KLF12: variants seen among roughly 807,000 people sequenced by gnomAD.
KLF12 encodes the protein Krueppel-like factor 12.
In KLF12, 9 loss-of-function variants were observed where a neutral mutation model predicts 37.8. That is an observed-to-expected ratio of 0.24 (90% CI 0.14 to 0.42). The LOEUF (loss-of-function observed/expected upper bound fraction) is 0.42, where lower values mean the gene tolerates loss of function less well. Ranked by LOEUF, KLF12 falls within the 10% of genes least tolerant of loss-of-function variation. The pLI is 1.00. For synonymous variants in KLF12, 208 were observed against 202.1 expected (o/e 1.03, Z -0.25); for missense variants, 411 against 516.0 (o/e 0.80, Z 1.97).
Position 73,846,066 on chromosome 13 carries a change from G to A in KLF12, c.431C>T (p.Thr144Ile), listed in dbSNP as rs767338522. 1 of 1,614,062 alleles carries A rather than the reference G, an allele frequency of 6.2e-7. No homozygotes were observed. The change falls in exon 4 of 8, where the codon ACT (threonine) becomes ATT (isoleucine). Residue 144 changes from threonine to isoleucine, a missense_variant. By Grantham distance (89) the Thr-to-Ile change is moderately conservative. Transcript: ENST00000377669. Reference sequence around the variant, plus strand: ...TGCAGAGGCCACAAGGGGCCCTGGAGTTAATACTGTTGACGAAGATGACGC... The same window carrying A: ...TGCAGAGGCCACAAGGGGCCCTGGAATTAATACTGTTGACGAAGATGACGC...
rs143222911 is a variant in KLF12 at position 73,715,967 on chromosome 13, C to T, written c.870-442G>A. ...ACAAGAGGGTCTGCACTGCATGTGA[C>T]AACATAGAAACTCCTGTAAAATCAC... On this transcript the variant is annotated intron_variant, in intron 6 of 7. Coordinates refer to ENST00000377669, the MANE Select transcript of KLF12 (RefSeq NM_007249.5). Among the ~76,000 whole-genome samples the T allele has an allele frequency of 2.6e-3, 393 of 152,220 alleles. 1 individual carries two copies. Among genetic ancestry groups the T allele is most frequent in the African/African-American group, 8.8e-3 (367 of 41,548 alleles).
intron 1 of KLF12, among the ~76,000 whole-genome samples, chr13:74,070,884 G>A (rs1256704981): frequency 6.6e-6 from 1 of 152,148 alleles, no homozygotes; most frequent in East Asian, 1.9e-4. Flanking sequence ...AAGTTTGTGG[G>A]AACATGGATG....
chr13:74,171,879 A>G, the KLF12 span, among the ~76,000 whole-genome samples: 1 of 152,218 alleles, frequency 6.6e-6, no homozygotes, highest in Non-Finnish European at 1.5e-5. Flanking sequence ...TGTATAATAG[A>G]ACCTGAGGGA....
the KLF12 span, among the ~76,000 whole-genome samples, chr13:74,275,877 TCTTCTTTC>T: frequency 2.6e-3 from 194 of 74,594 alleles, no homozygotes; most frequent in African/African-American, 8.4e-3. Flanking sequence ...TATCTTTCTT[TCTTCTTTC>T]TTTCTTTCTT....
At chr13:74,202,410 C>T in the KLF12 span, among the ~76,000 whole-genome samples, 1 of 152,170 alleles carries the variant, frequency 6.6e-6, no homozygotes, top group South Asian at 2.1e-4. Flanking sequence ...AACAAACTCA[C>T]ACCCCCTCTG....
rs1873903212 is a variant in KLF12 at position 73,693,043 on chromosome 13, T to C, written c.*2447A>G. The C allele has an allele frequency of 6.6e-6, 1 of 152,176 alleles. No individual in the cohort carries two copies. Among genetic ancestry groups the C allele is most frequent in the South Asian group, 2.1e-4 (1 of 4,832 alleles). The allele number at this position is 152,176 out of a possible 1,614,324, so 9.4% of individuals were successfully genotyped here. A position where few individuals can be genotyped will look rare whatever the true frequency, so the allele number is the denominator to read the frequency against. ...TTCTAAAAACCAAGTCTACCTGTAA[T>C]ACTCTCAAGACATCTTTCAGCAGAG... On this transcript the variant is annotated 3_prime_UTR_variant, in exon 8 of 8. Transcript: ENST00000377669.
chr13:73,926,040 C>CT (rs1889358483), intron 3 of KLF12, among the ~76,000 whole-genome samples: 1 of 152,164 alleles, frequency 6.6e-6, no homozygotes, highest in Admixed American at 6.5e-5. Flanking sequence ...GGTAAAGATG[C>CT]TGTCGACATT....
chr13:73,780,386 C>A (rs917377465), intron 5 of KLF12, among the ~76,000 whole-genome samples: 1 of 152,060 alleles, frequency 6.6e-6, no homozygotes, highest in Non-Finnish European at 1.5e-5. Flanking sequence ...TATCCCTTGT[C>A]ACCCATCAAC....
chr13:74,188,417 G>A, the KLF12 span, among the ~76,000 whole-genome samples: 20 of 152,158 alleles, frequency 1.3e-4, no homozygotes, highest in East Asian at 2.3e-3. Flanking sequence ...AAATTCGATC[G>A]TCAAATTTGA....
At chr13:74,211,723 A>C in the KLF12 span, among the ~76,000 whole-genome samples, 1 of 151,988 alleles carries the variant, frequency 6.6e-6, no homozygotes, top group East Asian at 1.9e-4. Flanking sequence ...TAGTGATTGT[A>C]CTCCTTTTCC....
rs1380867379 is a variant in KLF12, at chr13:73,813,249, T to C, written c.709A>G (p.Lys237Glu). The change falls in exon 5 of 8, where the codon AAA (lysine) becomes GAA (glutamate). Residue 237 changes from lysine to glutamate, a missense_variant. This residue lies in a region of KLF12 where 351 missense variants were observed against 397.8 expected (regional missense o/e 0.88). Transcript: ENST00000377669. ...AGGTCATCATCATCACTGTCACTTT[T>C]ACTTTGTCTGGGAGATAGGCCTCGG... 10 of 1,613,974 alleles carry C rather than the reference T, an allele frequency of 6.2e-6. No homozygotes were observed. Among genetic ancestry groups the C allele is most frequent in the East Asian group, 2.2e-5 (1 of 44,888 alleles).
chr13:73,754,522 TGA>T (rs1361836774), intron 6 of KLF12, among the ~76,000 whole-genome samples: 2 of 152,176 alleles, frequency 1.3e-5, no homozygotes, highest in African/African-American at 4.8e-5. Context: ...GTGGTGCTTC[TGA>T]GAGTATATTT....
At chr13:74,280,381 A>G in the KLF12 span, among the ~76,000 whole-genome samples, 159 of 152,320 alleles carry the variant, frequency 1.0e-3, 2 homozygotes, top group Admixed American at 0.01. Context: ...CAGGTTAAAC[A>G]GTCTGTTCCT....
At chr13:74,230,810 T>A in the KLF12 span, among the ~76,000 whole-genome samples, 4 of 152,178 alleles carry the variant, frequency 2.6e-5, no homozygotes, top group Admixed American at 1.3e-4. Flanking sequence ...TATGCTTCCA[T>A]CTCCTGTTGA....
At chr13:74,245,671 T>A in the KLF12 span, among the ~76,000 whole-genome samples, 2 of 152,342 alleles carry the variant, frequency 1.3e-5, no homozygotes, top group East Asian at 3.9e-4. Flanking sequence ...TTATTGACCT[T>A]ATTTTATACA....
At chr13:73,981,224 G>A (rs1891680837) in intron 2 of KLF12, among the ~76,000 whole-genome samples, 1 of 152,018 alleles carries the variant, frequency 6.6e-6, no homozygotes, top group African/African-American at 2.4e-5. Flanking sequence ...CATTATCCAG[G>A]AGAGTTGAAA....
chr13:74,127,550 G>A (rs1298551623), intron 1 of KLF12, among the ~76,000 whole-genome samples: 1 of 152,216 alleles, frequency 6.6e-6, no homozygotes, highest in African/African-American at 2.4e-5. Context: ...TTGGAGTCAG[G>A]CAAGATACCT....
chr13:73,695,826 T>A (rs1325785938), intron 7 of KLF12, among the ~76,000 whole-genome samples, 155 bp from the exon 8 acceptor site: 1 of 152,176 alleles, frequency 6.6e-6, no homozygotes, highest in Non-Finnish European at 1.5e-5. Context: ...GCGGTCTGGG[T>A]CAGACAGGTG....
Position 73,764,947 on chromosome 13 carries a change from T to G in KLF12, c.860A>C (p.Lys287Thr), listed in dbSNP as rs184383555. 5.1e-6 allele frequency: 8 copies of G among 1,566,124 alleles called. No individual in the cohort carries two copies. In the East Asian group the frequency reaches 1.8e-4, roughly 35 times the overall value. Residue 287 changes from lysine (K) to threonine (T), a missense_variant, in exon 6 of 8, where the codon AAG (lysine) becomes ACG (threonine). Around this residue, in one of 2 missense-constraint regions of KLF12, gnomAD observed 351 missense variants for 397.8 expected, o/e 0.88. Transcript: ENST00000377669. ...TAGACTGTATACTCACCAAGGAAAC[T>G]TTTGATTATTCATTCGATTGCCCCG...
Sources: allele counts gnomAD v4.1 joint callset (sites outside exome capture counted in the v4.1 genomes callset), GRCh38; gene constraint gnomAD v4.1.1; regional missense constraint gnomAD v4.1.1; transcripts MANE v1.5; gene names NCBI Gene and HGNC (gene_info 2026-07-23, HGNC 2026-07-21).